The following ETFA variants were observed in gnomAD, a reference collection of about 807,000 sequenced individuals.
ETFA encodes the protein electron transfer flavoprotein subunit alpha.
A neutral mutation model predicts 46.2 loss-of-function variants in ETFA; 22 were observed. The observed-to-expected ratio is 0.48, with a 90% CI of 0.34 to 0.68. ETFA has a LOEUF of 0.68. ETFA is among the 30% of genes least tolerant of loss of function. The pLI is 0.01. For synonymous variants in ETFA, 131 were observed against 139.9 expected, an observed-to-expected ratio of 0.94 and a Z score of 0.45; for missense variants, 345 against 401.1, an observed-to-expected ratio of 0.86 and a Z score of 1.19.
intron 1 of ETFA, among the ~76,000 whole-genome samples, chr15:76,298,034 T>G (rs938118553): frequency 6.7e-6 from 1 of 150,330 alleles, no homozygotes; most frequent in Non-Finnish European, 1.5e-5. Context: ...GGAGGATGAA[T>G]CAGATTAGAG....
chr15:76,233,528 C>T (rs1339341094), intron 9 of ETFA, among the ~76,000 whole-genome samples: 2 of 151,916 alleles, frequency 1.3e-5, no homozygotes, highest in Non-Finnish European at 2.9e-5. Flanking sequence ...TGGGGTTTCA[C>T]TATGTTGGCC....
At chr15:76,267,406 C>A (rs2039480710) in intron 9 of ETFA, among the ~76,000 whole-genome samples, 1 of 152,186 alleles carries the variant, frequency 6.6e-6, no homozygotes, top group African/African-American at 2.4e-5. Flanking sequence ...TATTAATTCG[C>A]AAGAATGGCA....
chr15:76,222,496 A>T (rs548752395), intron 11 of ETFA, among the ~76,000 whole-genome samples: 10 of 152,158 alleles, frequency 6.6e-5, no homozygotes, highest in Non-Finnish European at 1.5e-4. Context: ...GCTCATTCTG[A>T]TTTCAGCTGA....
intron 9 of ETFA, among the ~76,000 whole-genome samples, chr15:76,249,958 C>G (rs934880988): frequency 6.6e-6 from 1 of 152,092 alleles, no homozygotes; most frequent in African/African-American, 2.4e-5. Flanking sequence ...TCTGGTAAAG[C>G]TAGATTCTCT....
chr15:76,261,756 CTT>C (rs1352069477), intron 9 of ETFA: 1 of 210,626 alleles, frequency 4.7e-6, no homozygotes, highest in Non-Finnish European at 9.3e-6. Flanking sequence ...CTGAATGTGA[CTT>C]TTTATATCGA....
chr15:76,299,063 C>T (rs1206435938), intron 1 of ETFA, among the ~76,000 whole-genome samples: 1 of 152,186 alleles, frequency 6.6e-6, no homozygotes, highest in African/African-American at 2.4e-5. Context: ...TTAAAGATAA[C>T]TATTGAAATA....
At chr15:76,248,970 GA>G (rs542078530) in intron 9 of ETFA, among the ~76,000 whole-genome samples, 1 of 151,664 alleles carries the variant, frequency 6.6e-6, no homozygotes, top group Non-Finnish European at 1.5e-5. Flanking sequence ...TATTCAAAGG[GA>G]AAAAAACCAT....
chr15:76,260,963 A>C, intron 9 of ETFA: 14 of 1,610,888 alleles, frequency 8.7e-6, no homozygotes, highest in Non-Finnish European at 1.1e-5. Context: ...GGCCATCAGC[A>C]CCTGGCATCC....
chr15:76,221,534 C>T (rs551974543), intron 11 of ETFA, among the ~76,000 whole-genome samples: 1 of 152,296 alleles, frequency 6.6e-6, no homozygotes, highest in African/African-American at 2.4e-5. Context: ...ACAGGTGGTG[C>T]CCTATGCCCT....
chr15:76,309,413 T>C (rs1457969563), intron 1 of ETFA, among the ~76,000 whole-genome samples: 1 of 152,188 alleles, frequency 6.6e-6, no homozygotes, highest in Non-Finnish European at 1.5e-5. Context: ...ATCGCGCCAC[T>C]GCACTCCAGC....
At chr15:76,250,047 T>C (rs1264082065) in intron 9 of ETFA, among the ~76,000 whole-genome samples, 1 of 152,158 alleles carries the variant, frequency 6.6e-6, no homozygotes, top group Non-Finnish European at 1.5e-5. Flanking sequence ...ATAATCTTCA[T>C]GGTAACATTA....
chr15:76,239,806 A>G (rs1420312365), intron 9 of ETFA, among the ~76,000 whole-genome samples: 2 of 151,638 alleles, frequency 1.3e-5, no homozygotes, highest in Non-Finnish European at 2.9e-5. Context: ...AAAAAAAAGT[A>G]TTGTCAATTT....
chr15:76,259,939 G>A, intron 9 of ETFA: 1 of 805,142 alleles, frequency 1.2e-6, no homozygotes, highest in East Asian at 2.4e-5. Context: ...TGCTCCAGAG[G>A]CTCAGAGGCT....
chr15:76,234,533 G>A (rs1315993802), intron 9 of ETFA, among the ~76,000 whole-genome samples: 2 of 152,172 alleles, frequency 1.3e-5, no homozygotes, highest in African/African-American at 2.4e-5. Flanking sequence ...TGTTGCCAGG[G>A]AGTACAGCAA....
chr15:76,228,524 A>G (rs995988621), intron 10 of ETFA, among the ~76,000 whole-genome samples: 2 of 152,164 alleles, frequency 1.3e-5, no homozygotes, highest in Non-Finnish European at 2.9e-5. Context: ...GAGAGAGCAT[A>G]TAACTGTGGG....
intron 1 of ETFA, among the ~76,000 whole-genome samples, chr15:76,297,021 G>A (rs1366819705): frequency 6.6e-6 from 1 of 152,110 alleles, no homozygotes; most frequent in African/African-American, 2.4e-5. Flanking sequence ...AAATGGCAAA[G>A]AAAAGTGAGA....
intron 9 of ETFA, among the ~76,000 whole-genome samples, chr15:76,258,486 C>G (rs1272493329): frequency 6.6e-6 from 1 of 152,188 alleles, no homozygotes; most frequent in Non-Finnish European, 1.5e-5. Flanking sequence ...CCTTACCAAC[C>G]CTTACCTAAA....
At chr15:76,288,375 C>A (rs757464990) in intron 4 of ETFA, among the ~76,000 whole-genome samples, 1 of 151,972 alleles carries the variant, frequency 6.6e-6, no homozygotes, top group Non-Finnish European at 1.5e-5. Context: ...GAAAAAAATT[C>A]ACAGCAGACA....
At chr15:76,284,236 G>A (rs1034129155) in intron 7 of ETFA, 15 of 173,694 alleles carry the variant, frequency 8.6e-5, no homozygotes, top group Admixed American at 5.8e-4. Flanking sequence ...TCGAGAGGAA[G>A]AACATTCTGC....
Sources: gnomAD v4.1 joint callset for allele counts (sites outside exome capture counted in the v4.1 genomes callset) on GRCh38, gnomAD v4.1.1 for gene constraint, MANE v1.5 for transcripts, NCBI Gene and HGNC (gene_info 2026-07-23, HGNC 2026-07-21) for gene names.